The following BRINP1 variants were observed in gnomAD, a reference collection of about 807,000 sequenced individuals.
BRINP1 encodes BMP/retinoic acid-inducible neural-specific protein 1.
Under a neutral mutation model 72.9 loss-of-function variants are expected in BRINP1, and 17 were observed. The ratio of observed to expected loss-of-function variants is 0.23; its 90% CI spans 0.16 to 0.35. The LOEUF (loss-of-function observed/expected upper bound fraction) is 0.35, where lower values mean the gene tolerates loss of function less well. BRINP1 is among the 10% of genes least tolerant of loss of function. BRINP1 has a pLI of 1.00. For synonymous variants in BRINP1, 418 were observed against 378.5 expected, an observed-to-expected ratio of 1.10 and a Z score of -1.21; for missense variants, 850 against 1,001.6, an observed-to-expected ratio of 0.85 and a Z score of 2.04.
intron 5 of BRINP1, among the ~76,000 whole-genome samples, chr9:119,225,682 T>C (rs1830083260): frequency 6.6e-6 from 1 of 151,812 alleles, no homozygotes; most frequent in Non-Finnish European, 1.5e-5. Context: ...GGCAAATCTA[T>C]AGAGGCAGAA....
intron 7 of BRINP1, among the ~76,000 whole-genome samples, chr9:119,173,172 G>A (rs1277964479): frequency 6.7e-6 from 1 of 149,640 alleles, no homozygotes; most frequent in African/African-American, 2.5e-5. Context: ...TATTCAATTA[G>A]GAAAAGAGGA....
intron 7 of BRINP1, among the ~76,000 whole-genome samples, chr9:119,200,104 C>T (rs1008248031): frequency 2.0e-5 from 3 of 152,096 alleles, no homozygotes; most frequent in Admixed American, 1.3e-4. Flanking sequence ...TATACGAACA[C>T]GGAACTCAAT....
chr9:119,250,101 A>C, intron 2 of BRINP1, among the ~76,000 whole-genome samples: 1 of 75,070 alleles, frequency 1.3e-5, no homozygotes, highest in Non-Finnish European at 3.0e-5. Flanking sequence ...AGGAAGGAAG[A>C]AAAGGAAGGA....
intron 1 of BRINP1, 24 bp downstream of exon 1, chr9:119,369,032 G>C (rs899104102): frequency 1.8e-5 from 7 of 394,588 alleles, no homozygotes; most frequent in Non-Finnish European, 3.1e-5. Flanking sequence ...GGGCTGCGGG[G>C]CGCTGCACCC....
At chr9:119,174,251 A>AACTC (rs1829454580) in intron 7 of BRINP1, among the ~76,000 whole-genome samples, 2 of 150,602 alleles carry the variant, frequency 1.3e-5, no homozygotes, top group Admixed American at 1.3e-4. Context: ...ATCTACAATG[A>AACTC]ACTCAAACAA....
intron 1 of BRINP1, among the ~76,000 whole-genome samples, chr9:119,326,556 G>C (rs138269144): frequency 2.0e-5 from 3 of 151,934 alleles, no homozygotes; most frequent in Non-Finnish European, 2.9e-5. Flanking sequence ...ATTTCATTTG[G>C]ACCCACATTT....
rs1171409624 is a variant in BRINP1 at position 119,167,178 on chromosome 9, G to A, written c.2192C>T (p.Thr731Ile). The change falls in exon 8 of 8, where the codon ACC becomes ATC. Residue 731 changes from threonine to isoleucine, a missense_variant. Physicochemically the swap from Thr to Ile is moderately conservative, Grantham distance 89. Transcript: ENST00000265922. The surrounding 1 kb of genome is among the most constrained non-coding windows in gnomAD (Gnocchi z 4.3). Reference sequence around the variant, plus strand: ...GTTCACCCTGATGATCTCGCTGTTGGTCAGTTTCAGGCGGTGTTTCAGCAT... The same window carrying A: ...GTTCACCCTGATGATCTCGCTGTTGATCAGTTTCAGGCGGTGTTTCAGCAT... ...SCMLKHRLKL[T>I]NSEIIRVNHA... 1 of 1,614,158 alleles carries A rather than the reference G, an allele frequency of 6.2e-7. No individual in the cohort carries two copies. Among genetic ancestry groups the A allele is most frequent in the Admixed American group, 1.7e-5 (1 of 60,026 alleles).
intron 7 of BRINP1, 106 bp downstream of exon 7, chr9:119,208,613 G>T: frequency 8.5e-7 from 1 of 1,173,670 alleles, no homozygotes; most frequent in Non-Finnish European, 1.2e-6. Context: ...GGTCCTGTTT[G>T]CCACCCCACA....
intron 3 of BRINP1, among the ~76,000 whole-genome samples, chr9:119,243,858 T>C (rs546213696): frequency 6.6e-6 from 1 of 152,280 alleles, no homozygotes; most frequent in African/African-American, 2.4e-5. Flanking sequence ...CATTTTAATA[T>C]ACCAGGTGAA....
chr9:119,274,688 A>C (rs1830637875), intron 2 of BRINP1, among the ~76,000 whole-genome samples: 1 of 152,192 alleles, frequency 6.6e-6, no homozygotes, highest in African/African-American at 2.4e-5. Context: ...GAGACAAAAT[A>C]AGAAAATATG....
At chr9:119,202,588 C>A (rs1290281442) in intron 7 of BRINP1, among the ~76,000 whole-genome samples, 1 of 152,180 alleles carries the variant, frequency 6.6e-6, no homozygotes, top group Non-Finnish European at 1.5e-5. Flanking sequence ...GTGTAAGGAT[C>A]TCCTGGTGGC....
rs1423784349 is a variant in BRINP1, at chr9:119,366,417, T to C, written c.-51+2639A>G. On this transcript the variant is annotated intron_variant, in intron 1 of 7. Coordinates refer to ENST00000265922, the MANE Select transcript of BRINP1 (RefSeq NM_014618.3). ...CCTACCAGTCACACTCAGTACTGGG[T>C]CCTTGCTTGTCGGTAATTCCCTAAA... 1.3e-4 allele frequency among the ~76,000 whole-genome samples: 20 copies of C among 151,966 alleles called. 1 individual carries two copies.
intron 2 of BRINP1, among the ~76,000 whole-genome samples, chr9:119,278,020 C>T (rs756358834): frequency 7.2e-5 from 11 of 152,136 alleles, no homozygotes; most frequent in Non-Finnish European, 1.3e-4. Flanking sequence ...TTCCATATAT[C>T]GAATATTATA....
intron 7 of BRINP1, among the ~76,000 whole-genome samples, chr9:119,195,018 G>A (rs1829721516): frequency 6.6e-6 from 1 of 152,144 alleles, no homozygotes; most frequent in African/African-American, 2.4e-5. Flanking sequence ...AGAATAGACT[G>A]GACAATCTTT....
chr9:119,269,561 T>C, intron 2 of BRINP1, among the ~76,000 whole-genome samples: 1 of 152,216 alleles, frequency 6.6e-6, no homozygotes, highest in Non-Finnish European at 1.5e-5. Context: ...ATTCAGTGCC[T>C]TCTAGTTTAC....
chr9:119,186,280 C>T (rs1829619681), intron 7 of BRINP1, among the ~76,000 whole-genome samples: 1 of 152,130 alleles, frequency 6.6e-6, no homozygotes, highest in African/African-American at 2.4e-5. Context: ...GGAACAGCTG[C>T]AATTTGGCAC....
intron 2 of BRINP1, among the ~76,000 whole-genome samples, chr9:119,272,912 T>A (rs1830622556): frequency 6.6e-6 from 1 of 152,160 alleles, no homozygotes; most frequent in Non-Finnish European, 1.5e-5. Flanking sequence ...TAGAGGTCCT[T>A]GTTCTTAGAC....
rs1830350794 is a variant in BRINP1, at chr9:119,249,000, T to C, written c.369A>G (p.Lys123=). The change falls in exon 3 of 8, where the codon AAA becomes AAG. Residue 123 remains lysine (K), a synonymous_variant. Transcript: ENST00000265922. ...TTQQFIDTII[K]KYGTHLLISA... ...AGATGAGCAGGTGGGTGCCGTACTTTTTGATGATGGTATCGATGAACTGCT... is the reference window on the plus strand; with the variant it reads ...AGATGAGCAGGTGGGTGCCGTACTTCTTGATGATGGTATCGATGAACTGCT... 6.2e-7 allele frequency: 1 copy of C among 1,614,008 alleles called. No individual in the cohort carries two copies. Among genetic ancestry groups the C allele is most frequent in the Non-Finnish European group, 8.5e-7 (1 of 1,179,952 alleles).
intron 2 of BRINP1, among the ~76,000 whole-genome samples, chr9:119,272,105 A>C (rs1392859049): frequency 5.3e-5 from 8 of 151,538 alleles, no homozygotes; most frequent in Non-Finnish European, 1.0e-4. Context: ...AAAAAAAAAA[A>C]AAACAGCCTG....
Sources: allele counts gnomAD v4.1 joint callset (sites outside exome capture counted in the v4.1 genomes callset), GRCh38; gene constraint gnomAD v4.1.1; non-coding constraint Gnocchi (gnomAD v3.1); transcripts MANE v1.5; gene names NCBI Gene and HGNC (gene_info 2026-07-23, HGNC 2026-07-21).